Variants in ARL15 observed in about 807,000 individuals in gnomAD.
ARL15 encodes ADP-ribosylation factor-like protein 15.
In ARL15, 19 loss-of-function variants were observed where a neutral mutation model predicts 25.2. The ratio of observed to expected loss-of-function variants is 0.75; its 90% CI spans 0.53 to 1.10. ARL15 has a LOEUF of 1.10. Among genes scored for constraint, ARL15 ranks in the 50% least tolerant of loss-of-function variants. The pLI, the probability that ARL15 is intolerant of heterozygous loss-of-function variation, is 0.00. For missense variants in ARL15, 220 were observed against 246.0 expected, an observed-to-expected ratio of 0.89 and a Z score of 0.71; for synonymous variants, 94 against 86.8, an observed-to-expected ratio of 1.08 and a Z score of -0.46.
intron 4 of ARL15, among the ~76,000 whole-genome samples, chr5:53,992,268 C>T (rs759814043): frequency 1.8e-4 from 27 of 152,074 alleles, no homozygotes; most frequent in Non-Finnish European, 2.2e-4. Flanking sequence ...ACTGTGGTAC[C>T]CTTGGGTGCC....
intron 1 of ARL15, among the ~76,000 whole-genome samples, chr5:54,283,871 G>T (rs1758120977): frequency 6.6e-6 from 1 of 152,164 alleles, no homozygotes; most frequent in African/African-American, 2.4e-5. Context: ...GGTGCTTAAA[G>T]GGAACTGACT....
chr5:54,066,995 G>A (rs1011843284), intron 4 of ARL15, among the ~76,000 whole-genome samples: 11 of 152,094 alleles, frequency 7.2e-5, no homozygotes, highest in African/African-American at 1.7e-4. Flanking sequence ...CACTAAAAAC[G>A]ACATCTGAAA....
chr5:54,039,820 A>AC (rs1323806149), intron 4 of ARL15, among the ~76,000 whole-genome samples: 1 of 151,350 alleles, frequency 6.6e-6, no homozygotes, highest in African/African-American at 2.4e-5. Flanking sequence ...AAAAAAAAAA[A>AC]AAAAAACAAG....
intron 4 of ARL15, among the ~76,000 whole-genome samples, chr5:53,949,814 G>A (rs999283587): frequency 3.9e-5 from 6 of 152,166 alleles, no homozygotes; most frequent in African/African-American, 1.4e-4. Flanking sequence ...CTCCAAGTTA[G>A]AAATACTATA....
chr5:53,989,514 T>C (rs1442418153), intron 4 of ARL15, among the ~76,000 whole-genome samples: 1 of 152,208 alleles, frequency 6.6e-6, no homozygotes, highest in Non-Finnish European at 1.5e-5. Flanking sequence ...TTTAGATATA[T>C]CTACCCACTG....
intron 4 of ARL15, among the ~76,000 whole-genome samples, chr5:53,936,411 T>C (rs886271351): frequency 1.3e-5 from 2 of 152,222 alleles, no homozygotes; most frequent in African/African-American, 4.8e-5. Context: ...TAAACCCAGA[T>C]GTCTGAGTCT....
Position 54,116,323 on chromosome 5 carries a change from T to G in ARL15, c.254-2913A>C, listed in dbSNP as rs143776928. On this transcript the variant is annotated intron_variant, in intron 3 of 4. Coordinates refer to ENST00000504924, the MANE Select transcript of ARL15 (RefSeq NM_019087.3). Reference sequence around the variant, plus strand: ...GGATGCACTGGCCCAGGAAAGGAGATCTGGGTAGGATACCAACAGCATCTG... The same window carrying G: ...GGATGCACTGGCCCAGGAAAGGAGAGCTGGGTAGGATACCAACAGCATCTG... Among the ~76,000 whole-genome samples the G allele has an allele frequency of 1.6e-3, 248 of 152,114 alleles. 2 individuals are homozygous for G. The highest frequency in any genetic ancestry group is 8.1e-3 in the Admixed American group (124 of 15,272).
intron 4 of ARL15, among the ~76,000 whole-genome samples, chr5:54,064,084 G>A (rs1332869483): frequency 1.3e-5 from 2 of 152,080 alleles, no homozygotes; most frequent in African/African-American, 4.8e-5. Flanking sequence ...TTCTTTCTCT[G>A]ATTTTCTTCA....
At chr5:53,942,500 C>A (rs1226151199) in intron 4 of ARL15, among the ~76,000 whole-genome samples, 1 of 152,180 alleles carries the variant, frequency 6.6e-6, no homozygotes, top group African/African-American at 2.4e-5. Flanking sequence ...GTAATCCCAG[C>A]ATTTTGGGAG....
At chr5:54,146,884 A>G (rs1468400987) in intron 3 of ARL15, among the ~76,000 whole-genome samples, 1 of 152,148 alleles carries the variant, frequency 6.6e-6, no homozygotes, top group Admixed American at 6.5e-5. Context: ...AAAATTTCCT[A>G]AGGCACTTCT....
intron 1 of ARL15, among the ~76,000 whole-genome samples, chr5:54,175,428 G>A (rs186348441): frequency 1.1e-3 from 160 of 151,494 alleles, no homozygotes; most frequent in Middle Eastern, 6.8e-3. Flanking sequence ...TCCACCTCCC[G>A]GGTTCAAGTG....
At chr5:54,020,256 G>T (rs1749553376) in intron 4 of ARL15, among the ~76,000 whole-genome samples, 1 of 152,184 alleles carries the variant, frequency 6.6e-6, no homozygotes, top group South Asian at 2.1e-4. Context: ...TACAGGAGCA[G>T]TGTCAGCGGA....
chr5:54,247,469 T>G (rs1380709216), intron 1 of ARL15, among the ~76,000 whole-genome samples: 1 of 151,776 alleles, frequency 6.6e-6, no homozygotes, highest in Admixed American at 6.6e-5. Flanking sequence ...GAACGCATAC[T>G]CTGCTAAACT....
chr5:54,111,314 A>G (rs1752733235), intron 4 of ARL15, among the ~76,000 whole-genome samples: 1 of 152,084 alleles, frequency 6.6e-6, no homozygotes, highest in African/African-American at 2.4e-5. Context: ...ATCTATGACA[A>G]CGCTACATTT....
intron 1 of ARL15, among the ~76,000 whole-genome samples, chr5:54,205,011 T>G (rs569967381): frequency 2.0e-5 from 3 of 149,914 alleles, no homozygotes; most frequent in Admixed American, 6.7e-5. Flanking sequence ...CTTGGCTCAC[T>G]GCAACCTCCA....
chr5:53,992,035 G>A (rs1748520212), intron 4 of ARL15, among the ~76,000 whole-genome samples: 1 of 152,174 alleles, frequency 6.6e-6, no homozygotes, highest in South Asian at 2.1e-4. Flanking sequence ...GGATAGAGTT[G>A]CCTTCATTTC....
chr5:54,070,976 C>G (rs112733589), intron 4 of ARL15, among the ~76,000 whole-genome samples: 2 of 151,912 alleles, frequency 1.3e-5, no homozygotes, highest in African/African-American at 2.4e-5. Context: ...CGAGACCAGC[C>G]TGGGCAACAT....
At chr5:54,270,382 G>A (rs574317774) in intron 1 of ARL15, among the ~76,000 whole-genome samples, 1 of 152,264 alleles carries the variant, frequency 6.6e-6, no homozygotes, top group East Asian at 1.9e-4. Context: ...TAGAGTAGTC[G>A]TGAAAGGGGA....
At position 54,004,668 on chromosome 5, in the gene ARL15, T is replaced by C. The variant is rs576698210; in HGVS notation, c.462+108534A>G. Among the ~76,000 whole-genome samples, 5 of 152,240 alleles carry C rather than the reference T, an allele frequency of 3.3e-5. No individual in the cohort carries two copies. The South Asian group carries it at 1.0e-3, about 32-fold the overall frequency. ...TCACAGAGCCATTTGCACTTACTGG[T>C]AAATTATTTTAGAGTTTGGTAGTGC... On this transcript the variant is annotated intron_variant, in intron 4 of 4. Transcript: ENST00000504924.
Sources: allele counts gnomAD v4.1 joint callset (sites outside exome capture counted in the v4.1 genomes callset), GRCh38; gene constraint gnomAD v4.1.1; transcripts MANE v1.5; gene names NCBI Gene and HGNC (gene_info 2026-07-23, HGNC 2026-07-21).